SGF29: variants seen among roughly 807,000 people sequenced by gnomAD.
SGF29 encodes SAGA complex associated factor 29.
SGF29 carries 15 observed loss-of-function variants against 38.1 expected under a neutral mutation model. The observed-to-expected ratio is 0.39, with a 90% CI of 0.26 to 0.61. SGF29 has a LOEUF of 0.61. Among genes scored for constraint, SGF29 ranks in the 20% least tolerant of loss-of-function variants. The pLI is 0.49. For missense variants in SGF29, 184 were observed against 394.6 expected (o/e 0.47, Z 4.52); for synonymous variants, 151 against 160.8 (o/e 0.94, Z 0.46).
At chr16:28,569,840 A>G (rs1197830733) in intron 1 of SGF29, among the ~76,000 whole-genome samples, 1 of 152,176 alleles carries the variant, frequency 6.6e-6, no homozygotes, top group African/African-American at 2.4e-5. Context: ...TGTTGGGGGC[A>G]GAACCATTTC....
At chr16:28,585,278 C>T (rs1054447049) in intron 3 of SGF29, 8 of 507,044 alleles carry the variant, frequency 1.6e-5, no homozygotes, top group Admixed American at 1.4e-4. Flanking sequence ...GAGCTTCCTT[C>T]CCAGGCGGCC....
intron 1 of SGF29, among the ~76,000 whole-genome samples, chr16:28,567,945 G>T (rs1471167333): frequency 6.6e-6 from 1 of 152,078 alleles, no homozygotes; most frequent in Non-Finnish European, 1.5e-5. Flanking sequence ...TTGCCTTGGG[G>T]AGTGCTCTGT....
intron 2 of SGF29, among the ~76,000 whole-genome samples, chr16:28,582,290 C>G (rs1015003559): frequency 2.6e-5 from 4 of 152,056 alleles, no homozygotes; most frequent in Admixed American, 1.3e-4. Flanking sequence ...GAGCGGTAGC[C>G]AGGGCCTTGG....
rs2046868430 is a variant in SGF29, at chr16:28,572,104, GT to G, written c.-15-8950del. On this transcript the variant is annotated intron_variant, in intron 1 of 9. Coordinates refer to ENST00000317058, the MANE Select transcript of SGF29 (RefSeq NM_138414.3). ...ACGCCATTCTGCCTCAGCCTCCCGA[GT>G]AGCTGGGACCACAGGCACCCACCAC... is the stretch of plus-strand genomic sequence containing the variant. Among the ~76,000 whole-genome samples, 6 of 151,804 alleles carry G rather than the reference GT, an allele frequency of 4.0e-5. No individual in the cohort carries two copies. In the South Asian group the frequency reaches 1.3e-3, roughly 32 times the overall value.
Position 28,564,551 on chromosome 16 carries a change from G to A in SGF29, c.-16+10454G>A, listed in dbSNP as rs1290561024. On this transcript the variant is annotated intron_variant, in intron 1 of 9. Transcript: ENST00000317058. ...TGTATATATATATGTATATATATAC[G>A]TATATATATATATACGTATATATAT... is the stretch of plus-strand genomic sequence containing the variant. 7.1e-4 allele frequency among the ~76,000 whole-genome samples: 28 copies of A among 39,644 alleles called. 1 individual carries two copies. The South Asian group carries it at 9.7e-3, about 14-fold the overall frequency. The allele number at this position is 39,644 out of a possible 152,430, so 26.0% of individuals were successfully genotyped here.
intron 5 of SGF29, 24 bp downstream of exon 5, chr16:28,589,188 G>A: frequency 6.2e-7 from 1 of 1,613,564 alleles, no homozygotes; most frequent in Non-Finnish European, 8.5e-7. Context: ...AACATGCTGG[G>A]AGGTCCTTTG....
At chr16:28,581,215 G>C in intron 2 of SGF29, 71 bp downstream of exon 2, 2 of 1,424,036 alleles carry the variant, frequency 1.4e-6, no homozygotes, top group Non-Finnish European at 2.0e-6. Flanking sequence ...AGTGGGGGTG[G>C]CATTTGTGTT....
In SGF29 at chr16:28,589,347, AG is replaced by A. The variant is rs973941000; in HGVS notation, c.289+187del. 5.0e-6 allele frequency: 3 copies of A among 599,732 alleles called. No individual in the cohort carries two copies. In the African/African-American group the frequency reaches 5.6e-5, roughly 11 times the overall value. The allele number at this position is 599,732 out of a possible 1,614,324, so 37.2% of individuals were successfully genotyped here. A position where few individuals can be genotyped will look rare whatever the true frequency, so the allele number is the denominator to read the frequency against. ...GAGGTCATTCCCAGTGCCCAGAGGC[AG>A]GGGTTTCCCAGTTCTCCCTCAGCAG... is the stretch of plus-strand genomic sequence containing the variant. On this transcript the variant is annotated intron_variant, in intron 5 of 9. Transcript: ENST00000317058.
chr16:28,582,893 C>T (rs2046934599), intron 2 of SGF29, among the ~76,000 whole-genome samples: 1 of 152,158 alleles, frequency 6.6e-6, no homozygotes, highest in Admixed American at 6.5e-5. Flanking sequence ...CAAGATCGCA[C>T]CACTGCACTC....
At chr16:28,579,357 A>C (rs2046912970) in intron 1 of SGF29, among the ~76,000 whole-genome samples, 1 of 148,728 alleles carries the variant, frequency 6.7e-6, no homozygotes, top group African/African-American at 2.5e-5. Flanking sequence ...TCCCGGGTTC[A>C]AGCAATTCTC....
chr16:28,563,770 G>A (rs2151642659), intron 1 of SGF29, among the ~76,000 whole-genome samples: 1 of 143,830 alleles, frequency 7.0e-6, no homozygotes, highest in Admixed American at 7.2e-5. Flanking sequence ...ACCCAGGCTG[G>A]AGTGCAGTGG....
rs559911309 is a variant in SGF29, at chr16:28,556,368, C to G, written c.-16+2271C>G. Among the ~76,000 whole-genome samples the G allele has an allele frequency of 1.7e-3, 257 of 151,998 alleles. 1 individual carries two copies. Among genetic ancestry groups the G allele is most frequent in the South Asian group, 6.9e-3 (33 of 4,806 alleles). On this transcript the variant is annotated intron_variant, in intron 1 of 9. Coordinates refer to ENST00000317058, the MANE Select transcript of SGF29 (RefSeq NM_138414.3). ...GTTTGTTTGTTTGTTTGTTTTGAGACGGAGTTTCACTCTTTGTTGCCCAGG... is the reference window on the plus strand; with the variant it reads ...GTTTGTTTGTTTGTTTGTTTTGAGAGGGAGTTTCACTCTTTGTTGCCCAGG...
intron 1 of SGF29, among the ~76,000 whole-genome samples, chr16:28,561,285 C>G (rs1250511351): frequency 6.6e-6 from 1 of 151,930 alleles, no homozygotes; most frequent in Non-Finnish European, 1.5e-5. Context: ...AATCCCAGTA[C>G]TTTTTGGGAG....
In SGF29 at chr16:28,581,045, C is replaced by G. The variant is rs2046922003; in HGVS notation, c.-15-10C>G. On this transcript the variant is annotated splice_polypyrimidine_tract_variant and intron_variant, in intron 1 of 9. Transcript: ENST00000317058. ...AACAGAGTTCTCTTCTGTCCTCGCTCCCCCACCAGGTGCCCCTGTAGACAA... is the reference window on the plus strand; with the variant it reads ...AACAGAGTTCTCTTCTGTCCTCGCTGCCCCACCAGGTGCCCCTGTAGACAA... 1 of 1,607,326 alleles carries G rather than the reference C, an allele frequency of 6.2e-7. No homozygotes were observed. Among genetic ancestry groups the G allele is most frequent in the Non-Finnish European group, 8.5e-7 (1 of 1,174,778 alleles).
chr16:28,578,142 C>T (rs1339705685), intron 1 of SGF29, among the ~76,000 whole-genome samples: 1 of 151,486 alleles, frequency 6.6e-6, no homozygotes, highest in Non-Finnish European at 1.5e-5. Flanking sequence ...GCGTGAGCCT[C>T]TGGGGCCTGG....
intron 1 of SGF29, among the ~76,000 whole-genome samples, chr16:28,555,510 T>A (rs1307683363): frequency 1.3e-5 from 2 of 152,150 alleles, no homozygotes. Flanking sequence ...AAAATCCACA[T>A]ATAAGTGGAC....
At chr16:28,562,236 C>G (rs2046794685) in intron 1 of SGF29, among the ~76,000 whole-genome samples, 1 of 152,174 alleles carries the variant, frequency 6.6e-6, no homozygotes, top group Non-Finnish European at 1.5e-5. Flanking sequence ...ATGCTCTGGG[C>G]CGGCCACTGC....
chr16:28,591,753 G>T lies in SGF29; in HGVS notation c.*47G>T. 6.8e-7 allele frequency: 1 copy of T among 1,460,154 alleles called. No homozygotes were observed. The allele number at this position is 1,460,154 out of a possible 1,614,324, so 90.4% of individuals were successfully genotyped here. A position where few individuals can be genotyped will look rare whatever the true frequency, so the allele number is the denominator to read the frequency against. On this transcript the variant is annotated 3_prime_UTR_variant, in exon 10 of 10. Coordinates refer to ENST00000317058, the MANE Select transcript of SGF29 (RefSeq NM_138414.3). The stretch of plus-strand genomic sequence containing the variant: ...TCCCCCAACGACACAGGGCAGGACA[G>T]CAGAGGACGTGCTGGGATTAAACAC...
intron 2 of SGF29, among the ~76,000 whole-genome samples, chr16:28,582,233 G>A (rs548323815): frequency 2.0e-5 from 3 of 152,220 alleles, no homozygotes; most frequent in Admixed American, 6.5e-5. Flanking sequence ...GTTACGTGCT[G>A]TGTATTCCAA....
Sources: gnomAD v4.1 joint callset for allele counts (sites outside exome capture counted in the v4.1 genomes callset) on GRCh38, gnomAD v4.1.1 for gene constraint, MANE v1.5 for transcripts, NCBI Gene and HGNC (gene_info 2026-07-23, HGNC 2026-07-21) for gene names.